Variants in RDH12 observed in about 807,000 individuals in gnomAD.
The protein encoded by RDH12 is all-trans and 9-cis retinol dehydrogenase.
Under a neutral mutation model 34.0 loss-of-function variants are expected in RDH12, and 21 were observed. That is an observed-to-expected ratio of 0.62 (90% CI 0.44 to 0.89). The LOEUF (loss-of-function observed/expected upper bound fraction) is 0.89. Among genes scored for constraint, RDH12 ranks in the 40% least tolerant of loss-of-function variants. The probability of loss-of-function intolerance (pLI) is 0.00; values close to 1 mark genes in which losing one functional copy is unlikely to be tolerated. For synonymous variants in RDH12, 198 were observed against 169.9 expected (o/e 1.17, Z -1.29); for missense variants, 394 against 398.6 (o/e 0.99, Z 0.10).
chr14:67,730,108 G>A (rs76383228), intron 8 of RDH12, among the ~76,000 whole-genome samples: 1,856 of 152,336 alleles, frequency 0.012, 33 homozygotes, highest in Middle Eastern at 0.044. Context: ...ACTCAGTTCT[G>A]AGTGTGTAAT....
intron 1 of RDH12, among the ~76,000 whole-genome samples, chr14:67,702,403 C>A (rs893421631): frequency 1.1e-4 from 16 of 152,086 alleles, no homozygotes; most frequent in African/African-American, 3.9e-4. Context: ...AGCTGTATTT[C>A]TTAAACCAAC....
At chr14:67,719,097 G>A (rs926010426) in intron 1 of RDH12, among the ~76,000 whole-genome samples, 1 of 152,220 alleles carries the variant, frequency 6.6e-6, no homozygotes, top group South Asian at 2.1e-4. Flanking sequence ...AAGGAAGGGG[G>A]ACTCCTCATA....
chr14:67,731,031 T>A (rs1426561017), intron 8 of RDH12, among the ~76,000 whole-genome samples: 1 of 152,150 alleles, frequency 6.6e-6, no homozygotes, highest in Non-Finnish European at 1.5e-5. Context: ...CTAAAATGAT[T>A]TTGCTATTTG....
At position 67,729,233 on chromosome 14, in the gene RDH12, G is replaced by A. The variant is rs750636662; in HGVS notation, c.701G>A (p.Arg234His). 4.2e-5 allele frequency: 67 copies of A among 1,610,986 alleles called. No individual in the cohort carries two copies. The Admixed American group carries it at 5.5e-4, about 13-fold the overall frequency. The change falls in exon 8 of 9, where the codon CGC becomes CAC. Residue 234 changes from arginine to histidine, a missense_variant. Arg to His is a conservative substitution (Grantham distance 29). Coordinates refer to ENST00000551171, the MANE Select transcript of RDH12 (RefSeq NM_152443.3). ...TACGCAGTGCACCCAGGCGTCGTCC[G>A]CTCTGAGCTGGTCCGGCACTCCTCC... ...TTYAVHPGVV[R>H]SELVRHSSLL...
At chr14:67,714,346 C>T (rs544476569) in intron 1 of RDH12, among the ~76,000 whole-genome samples, 1 of 152,002 alleles carries the variant, frequency 6.6e-6, no homozygotes, top group Non-Finnish European at 1.5e-5. Context: ...GATTATGTTG[C>T]TCTTGGTCTC....
In RDH12 at chr14:67,717,307, T is replaced by C. The variant is rs552275819; in HGVS notation, c.-274-3541T>C. Among the ~76,000 whole-genome samples, 75 of 152,316 alleles carry C rather than the reference T, an allele frequency of 4.9e-4. No homozygotes were observed. The Middle Eastern group carries it at 0.01, about 21-fold the overall frequency. On this transcript the variant is annotated intron_variant, in intron 1 of 8. Transcript: ENST00000551171. ...TCAGTGGAGGTGTGTTTTTGAAGTA[T>C]ATGTGTACACAGATCCCAGCCATTG...
intron 1 of RDH12, among the ~76,000 whole-genome samples, chr14:67,706,625 G>A (rs2037953168): frequency 6.6e-6 from 1 of 152,212 alleles, no homozygotes. Flanking sequence ...GAGGCAATCA[G>A]ATACGCATTT....
At chr14:67,730,835 G>A (rs368894343) in intron 8 of RDH12, among the ~76,000 whole-genome samples, 20 of 152,136 alleles carry the variant, frequency 1.3e-4, no homozygotes, top group African/African-American at 3.9e-4. Context: ...AACTCCTGAC[G>A]TCAGTTGATC....
At chr14:67,710,861 C>T (rs2038001828) in intron 1 of RDH12, among the ~76,000 whole-genome samples, 1 of 151,830 alleles carries the variant, frequency 6.6e-6, no homozygotes, top group Non-Finnish European at 1.5e-5. Context: ...AGTATTTATT[C>T]TATTACATTT....
chr14:67,733,854 G>C lies in RDH12; in HGVS notation c.*6G>C. On this transcript the variant is annotated 3_prime_UTR_variant, in exon 9 of 9. Transcript: ENST00000551171. ...TAGGAATCCGGTGGGAGTAGCTGGT[G>C]GAAGAGCTGCAGCTTTATCAGGCCC... 1.9e-6 allele frequency: 3 copies of C among 1,600,466 alleles called. No homozygotes were observed. Among genetic ancestry groups the C allele is most frequent in the Non-Finnish European group, 2.6e-6 (3 of 1,168,292 alleles).
intron 8 of RDH12, among the ~76,000 whole-genome samples, chr14:67,731,207 C>CTTTTTTT (rs71129853): frequency 1.0e-3 from 95 of 90,554 alleles, no homozygotes; most frequent in African/African-American, 2.1e-3. Flanking sequence ...TTCTTTCTTT[C>CTTTTTTT]TTTTTTTTTT....
chr14:67,729,289 C>A lies in RDH12; in HGVS notation c.757C>A (p.Pro253Thr), dbSNP rs943754830. 1.7e-5 allele frequency: 27 copies of A among 1,604,550 alleles called. No individual in the cohort carries two copies. The highest frequency in any genetic ancestry group is 5.0e-5 in the Admixed American group (3 of 60,006). The stretch of plus-strand genomic sequence containing the variant: ...CTGCCTGCTCTGGCGGCTCTTCTCC[C>A]CCTTTGTCAAGACGGCACGGGAGGG... The part of the protein sequence containing the change: ...LLCLLWRLFS[P>T]FVKTAREGAQ... The change falls in exon 8 of 9, where the codon CCC (proline) becomes ACC (threonine). Residue 253 changes from proline to threonine, a missense_variant. Coordinates refer to ENST00000551171, the MANE Select transcript of RDH12 (RefSeq NM_152443.3).
chr14:67,724,644 C>T (rs202229860), intron 4 of RDH12, 53 bp downstream of exon 4: 4 of 1,312,620 alleles, frequency 3.0e-6, no homozygotes, highest in Middle Eastern at 1.8e-4. Flanking sequence ...CCCTTCTTCC[C>T]ACTGGGGCCT....
intron 8 of RDH12, chr14:67,729,654 C>A (rs559222003): frequency 3.3e-6 from 2 of 599,318 alleles, no homozygotes; most frequent in South Asian, 1.7e-5. Flanking sequence ...AGAAGACTGT[C>A]GCTGTTGGTT....
At chr14:67,720,426 C>T (rs1301528000) in intron 1 of RDH12, among the ~76,000 whole-genome samples, 1 of 152,178 alleles carries the variant, frequency 6.6e-6, no homozygotes, top group Non-Finnish European at 1.5e-5. Flanking sequence ...TCTTACCACT[C>T]TAAAAATGTG....
chr14:67,725,930 C>T, intron 5 of RDH12, 121 bp from the exon 6 acceptor site: 1 of 780,496 alleles, frequency 1.3e-6, no homozygotes, highest in East Asian at 2.5e-5. Flanking sequence ...TGACTCCTAT[C>T]AAAATGTTAC....
chr14:67,712,493 C>CAAAAAAAAAAAAAAAAA (rs79758974), intron 1 of RDH12, among the ~76,000 whole-genome samples: 2 of 38,932 alleles, frequency 5.1e-5, no homozygotes, highest in Admixed American at 3.8e-4. Context: ...AAAAAACTTG[C>CAAAAAAAAAAAAAAAAA]AAAAAAAAAA....
Position 67,726,140 on chromosome 14 carries a change from G to A in RDH12, c.433G>A (p.Gly145Arg). ...AGCTGATGGCTTTGAAACCCACCTGGGAGTCAACCACCTGGGTAAGTATCT... is the reference window on the plus strand; with the variant it reads ...AGCTGATGGCTTTGAAACCCACCTGAGAGTCAACCACCTGGGTAAGTATCT... ...KTADGFETHL[G>R]VNHLGHFLLT... is the part of the protein sequence containing the mutation. The change falls in exon 6 of 9, where the codon GGA (glycine) becomes AGA (arginine). Residue 145 changes from glycine to arginine, a missense_variant. Transcript: ENST00000551171. 1 of 1,608,592 alleles carries A rather than the reference G, an allele frequency of 6.2e-7. No individual in the cohort carries two copies. The highest frequency in any genetic ancestry group is 2.2e-5 in the East Asian group (1 of 44,862).
At chr14:67,723,566 T>A (rs536222694) in intron 3 of RDH12, among the ~76,000 whole-genome samples, 38 of 152,316 alleles carry the variant, frequency 2.5e-4, no homozygotes, top group South Asian at 1.7e-3. Context: ...GGAGGTTAAA[T>A]GGACCTACCA....
Sources: allele counts gnomAD v4.1 joint callset (sites outside exome capture counted in the v4.1 genomes callset), GRCh38; gene constraint gnomAD v4.1.1; transcripts MANE v1.5; gene names NCBI Gene and HGNC (gene_info 2026-07-23, HGNC 2026-07-21).